Variants in CACUL1 observed in about 807,000 individuals in gnomAD.
The protein encoded by CACUL1 is CDK2 associated cullin domain 1.
A neutral mutation model predicts 45.2 loss-of-function variants in CACUL1; 13 were observed. That is an observed-to-expected ratio of 0.29 (90% CI 0.19 to 0.46). CACUL1 has a LOEUF of 0.46. Ranked by LOEUF, CACUL1 falls within the 20% of genes least tolerant of loss-of-function variation. CACUL1 has a pLI of 1.00. For missense variants in CACUL1, 421 were observed against 471.4 expected (o/e 0.89, Z 0.99); for synonymous variants, 197 against 174.2 (o/e 1.13, Z -1.03).
At chr10:118,692,385 TTATTA>T (rs1212238961) in intron 6 of CACUL1, 1 of 152,194 alleles carries the variant, frequency 6.6e-6, no homozygotes, top group Non-Finnish European at 1.5e-5. Flanking sequence ...ATTAGTATCT[TTATTA>T]TAACGAATAT....
rs142129515 is a variant in CACUL1 at position 118,714,357 on chromosome 10, G to GT, written c.598-6771dup. On this transcript the variant is annotated intron_variant, in intron 3 of 8. Coordinates refer to ENST00000369151, the MANE Select transcript of CACUL1 (RefSeq NM_153810.5). ...TTCCCAATGTTGATTTCATTAGACG[G>GT]TATCAAAAAAATACATCTCTGATGA... Among the ~76,000 whole-genome samples the GT allele has an allele frequency of 3.9e-3, 596 of 152,026 alleles. 5 individuals carry two copies. The highest frequency in any genetic ancestry group is 0.012 in the African/African-American group (494 of 41,444).
chr10:118,727,824 T>A (rs1845665180), intron 3 of CACUL1, among the ~76,000 whole-genome samples: 1 of 152,172 alleles, frequency 6.6e-6, no homozygotes, highest in Admixed American at 6.5e-5. Flanking sequence ...TGAACAGAAG[T>A]GTGTGACAGA....
intron 1 of CACUL1, among the ~76,000 whole-genome samples, chr10:118,738,202 AT>A (rs1845757214): frequency 6.6e-6 from 1 of 152,184 alleles, no homozygotes; most frequent in East Asian, 1.9e-4. Context: ...ATGAACAGGC[AT>A]TTTTGGAAAT....
At chr10:118,699,027 C>A (rs1481284981) in intron 5 of CACUL1, among the ~76,000 whole-genome samples, 2 of 152,164 alleles carry the variant, frequency 1.3e-5, no homozygotes, top group Non-Finnish European at 2.9e-5. Flanking sequence ...CTCCGTTTCT[C>A]CATCTATAAA....
chr10:118,751,759 A>G (rs1217990824), intron 1 of CACUL1, among the ~76,000 whole-genome samples: 2 of 152,184 alleles, frequency 1.3e-5, no homozygotes, highest in Non-Finnish European at 2.9e-5. Context: ...CGTCATTTAA[A>G]CTGAATTTAT....
intron 1 of CACUL1, among the ~76,000 whole-genome samples, chr10:118,747,900 C>A (rs1161667166): frequency 6.6e-6 from 1 of 152,118 alleles, no homozygotes; most frequent in African/African-American, 2.4e-5. Flanking sequence ...GCCTGGCCAA[C>A]ATGGTGAAAC....
At chr10:118,727,913 C>T (rs531147204) in intron 3 of CACUL1, among the ~76,000 whole-genome samples, 2 of 152,122 alleles carry the variant, frequency 1.3e-5, no homozygotes, top group African/African-American at 4.8e-5. Context: ...AATTAGAAAG[C>T]AAATCACTCA....
At chr10:118,749,021 T>A (rs1238794181) in intron 1 of CACUL1, among the ~76,000 whole-genome samples, 3 of 152,082 alleles carry the variant, frequency 2.0e-5, no homozygotes, top group African/African-American at 7.2e-5. Context: ...AGTCCAGACA[T>A]ATGAAGAAAG....
chr10:118,692,236 G>A (rs1156769863), intron 6 of CACUL1: 1 of 151,700 alleles, frequency 6.6e-6, no homozygotes, highest in Admixed American at 6.6e-5. Flanking sequence ...TTTGAGCCAT[G>A]TTCAATTACA....
intron 1 of CACUL1, among the ~76,000 whole-genome samples, chr10:118,748,247 A>G (rs1251335601): frequency 6.6e-6 from 1 of 152,102 alleles, no homozygotes; most frequent in Non-Finnish European, 1.5e-5. Context: ...TCACTCTTGA[A>G]CCTGGGCCAT....
At chr10:118,717,062 T>G (rs1286706158) in intron 3 of CACUL1, among the ~76,000 whole-genome samples, 1 of 152,182 alleles carries the variant, frequency 6.6e-6, no homozygotes, top group African/African-American at 2.4e-5. Flanking sequence ...TTTGCCACAC[T>G]CCAAAGTCTT....
intron 3 of CACUL1, among the ~76,000 whole-genome samples, chr10:118,709,829 T>C (rs1311896005): frequency 1.3e-5 from 2 of 152,214 alleles, no homozygotes; most frequent in African/African-American, 2.4e-5. Context: ...ATTGTCTTTA[T>C]TTTTTCTAAT....
chr10:118,710,704 T>C (rs769011499), intron 3 of CACUL1, among the ~76,000 whole-genome samples: 1 of 152,166 alleles, frequency 6.6e-6, no homozygotes, highest in South Asian at 2.1e-4. Flanking sequence ...AGGGCAATAT[T>C]TGTGTCTTAT....
Position 118,685,774 on chromosome 10 carries a change from A to T in CACUL1, c.*354T>A, listed in dbSNP as rs879462851. On this transcript the variant is annotated 3_prime_UTR_variant, in exon 9 of 9. Coordinates refer to ENST00000369151, the MANE Select transcript of CACUL1 (RefSeq NM_153810.5). ...CCACAAATGAACAAAACAAGTGCTT[A>T]AAAAAAAAATTCTTCTGCTCTTATA... is the stretch of plus-strand genomic sequence containing the variant. 1.5e-4 allele frequency: 26 copies of T among 167,952 alleles called. No homozygotes were observed. Among genetic ancestry groups the T allele is most frequent in the Admixed American group, 1.2e-4 (2 of 16,114 alleles). 10.4% of individuals were successfully genotyped at this position (167,952 alleles called of 1,614,324 possible).
At chr10:118,724,055 A>G (rs867591448) in intron 3 of CACUL1, among the ~76,000 whole-genome samples, 9 of 152,122 alleles carry the variant, frequency 5.9e-5, no homozygotes, top group East Asian at 1.9e-4. Flanking sequence ...ATGAGCCACC[A>G]CACCTGGCCG....
intron 1 of CACUL1, among the ~76,000 whole-genome samples, chr10:118,744,189 C>T (rs901050686): frequency 6.6e-6 from 1 of 152,140 alleles, no homozygotes; most frequent in African/African-American, 2.4e-5. Flanking sequence ...AGTTTGAGAC[C>T]ACCCTGGCCA....
At chr10:118,700,895 G>C (rs1564830332) in intron 5 of CACUL1, among the ~76,000 whole-genome samples, 1 of 152,188 alleles carries the variant, frequency 6.6e-6, no homozygotes, top group Non-Finnish European at 1.5e-5. Context: ...AACCAGACTA[G>C]AGAAGAGTTT....
chr10:118,753,099 G>T (rs1845913085), intron 1 of CACUL1, among the ~76,000 whole-genome samples: 1 of 152,024 alleles, frequency 6.6e-6, no homozygotes, highest in African/African-American at 2.4e-5. Flanking sequence ...CTTTACTAAG[G>T]CAATCTTCCT....
chr10:118,730,455 G>C, intron 1 of CACUL1, 45 bp from the exon 2 acceptor site: 1 of 1,541,676 alleles, frequency 6.5e-7, no homozygotes, highest in Non-Finnish European at 8.8e-7. Context: ...GCCACATGTG[G>C]AGCAAACACA....
Sources: allele counts gnomAD v4.1 joint callset (sites outside exome capture counted in the v4.1 genomes callset), GRCh38; gene constraint gnomAD v4.1.1; transcripts MANE v1.5; gene names NCBI Gene and HGNC (gene_info 2026-07-23, HGNC 2026-07-21).